PODN: variants seen among roughly 807,000 people sequenced by gnomAD.
The protein encoded by PODN is podocan proteoglycan.
Under a neutral mutation model 52.7 loss-of-function variants are expected in PODN, and 40 were observed. The ratio of observed to expected loss-of-function variants is 0.76; its 90% CI spans 0.59 to 0.99. The LOEUF (loss-of-function observed/expected upper bound fraction) is 0.99. Among genes scored for constraint, PODN ranks in the 50% least tolerant of loss-of-function variants. The pLI is 0.00. For synonymous variants in PODN, 396 were observed against 377.9 expected, an observed-to-expected ratio of 1.05 and a Z score of -0.56; for missense variants, 720 against 815.1, an observed-to-expected ratio of 0.88 and a Z score of 1.42.
chr1:53,074,152 C>T (rs776929702), intron 3 of PODN, among the ~76,000 whole-genome samples: 7 of 152,244 alleles, frequency 4.6e-5, no homozygotes, highest in Non-Finnish European at 1.0e-4. Context: ...CGAGTCCTGA[C>T]ACATCTGCCA....
In PODN at chr1:53,075,882, C is replaced by T; in HGVS notation, c.492C>T (p.Phe164=). 6.2e-7 allele frequency: 1 copy of T among 1,603,460 alleles called. No individual in the cohort carries two copies. The highest frequency in any genetic ancestry group is 1.1e-5 in the South Asian group (1 of 89,136). ...CCCAGCTGACCTTGGCACCCCGCTT[C>T]CTGCCAAACGCCCTGATCAGTGTGG... ...ANNKLTLAPR[F]LPNALISVDF... The change falls in exon 5 of 11, where the codon TTC becomes TTT. Residue 164 remains phenylalanine (F), a synonymous_variant. Coordinates refer to ENST00000312553, the MANE Select transcript of PODN (RefSeq NM_153703.5).
chr1:53,062,937 G>T (rs893656379), intron 1 of PODN, among the ~76,000 whole-genome samples: 1 of 152,252 alleles, frequency 6.6e-6, no homozygotes, highest in Non-Finnish European at 1.5e-5. Flanking sequence ...GCGGTCTGGA[G>T]TCCGTCTATC....
intron 5 of PODN, 69 bp downstream of exon 5, chr1:53,076,040 C>T: frequency 2.3e-6 from 3 of 1,300,608 alleles, no homozygotes; most frequent in Non-Finnish European, 2.2e-6. Flanking sequence ...GGCTGCCATC[C>T]TGTGTGAGGC....
At chr1:53,080,637 T>A (rs1644281278) in intron 8 of PODN, 91 bp from the exon 9 acceptor site, 3 of 1,397,522 alleles carry the variant, frequency 2.1e-6, no homozygotes, top group Non-Finnish European at 2.9e-6. Flanking sequence ...ATTGTTAGAT[T>A]TAGATAGGCT....
intron 1 of PODN, among the ~76,000 whole-genome samples, chr1:53,062,856 G>C (rs1383598): frequency 0.3 from 45,631 of 152,248 alleles, 10,949 homozygotes; most frequent in African/African-American, 0.66. Flanking sequence ...CCCCTCCGGG[G>C]CTCGGCTTCC....
intron 3 of PODN, among the ~76,000 whole-genome samples, chr1:53,072,000 C>A (rs1471334364): frequency 6.6e-6 from 1 of 151,500 alleles, no homozygotes. Flanking sequence ...CTGGCCAAAC[C>A]AGCATATGCT....
chr1:53,080,885 C>T lies in PODN; in HGVS notation c.1661+9C>T, dbSNP rs1228968307. 1 of 1,613,554 alleles carries T rather than the reference C, an allele frequency of 6.2e-7. No individual in the cohort carries two copies. Among genetic ancestry groups the T allele is most frequent in the Non-Finnish European group, 8.5e-7 (1 of 1,179,936 alleles). On this transcript the variant is annotated intron_variant, in intron 9 of 10. Coordinates refer to ENST00000312553, the MANE Select transcript of PODN (RefSeq NM_153703.5). ...AAGGGGATCTTTCTCAGGTAGGAGC[C>T]CACTCGCGGCCCTGTACACACCCCC... is the stretch of plus-strand genomic sequence containing the variant.
intron 1 of PODN, among the ~76,000 whole-genome samples, chr1:53,065,402 GGT>G (rs1644017457): frequency 6.6e-6 from 1 of 152,078 alleles, no homozygotes; most frequent in South Asian, 2.1e-4. Flanking sequence ...ATGGGTCAGT[GGT>G]ATGGCCAAGG....
Position 53,075,914 on chromosome 1 carries a change from C to T in PODN, c.524C>T (p.Ala175Val). 1 of 1,606,740 alleles carries T rather than the reference C, an allele frequency of 6.2e-7. No individual in the cohort carries two copies. Among genetic ancestry groups the T allele is most frequent in the South Asian group, 1.1e-5 (1 of 89,580 alleles). ...LPNALISVDFAANYLTKIYGL... is the reference protein window; with the variant it reads ...LPNALISVDFVANYLTKIYGL... ...AACGCCCTGATCAGTGTGGACTTTG[C>T]TGCCAACTATCTCACCAAGATCTAT... is the stretch of plus-strand genomic sequence containing the variant. The change falls in exon 5 of 11, where the codon GCT becomes GTT. Residue 175 changes from alanine (A) to valine (V), a missense_variant. Coordinates refer to ENST00000312553, the MANE Select transcript of PODN (RefSeq NM_153703.5).
At chr1:53,072,764 C>T (rs1557651437) in intron 3 of PODN, among the ~76,000 whole-genome samples, 1 of 152,186 alleles carries the variant, frequency 6.6e-6, no homozygotes, top group Non-Finnish European at 1.5e-5. Flanking sequence ...TGACATGTTT[C>T]AAGATGTCTA....
rs1412155753 is a variant in PODN, at chr1:53,062,257, TG to T, written c.-102del. On this transcript the variant is annotated 5_prime_UTR_variant, in exon 1 of 11. Coordinates refer to ENST00000312553, the MANE Select transcript of PODN (RefSeq NM_153703.5). ...CGAGCCCGCGGAGCGCAGCTGAGAC[TG>T]GGGGAGCGCGTTCGGCCTGTGGGGC... is the stretch of plus-strand genomic sequence containing the variant. 2 of 1,273,878 alleles carry T rather than the reference TG, an allele frequency of 1.6e-6. No individual in the cohort carries two copies. Among genetic ancestry groups the T allele is most frequent in the South Asian group, 3.8e-5 (1 of 26,192 alleles). 78.9% of individuals were successfully genotyped at this position (1,273,878 alleles called of 1,614,324 possible).
chr1:53,071,347 GC>G (rs1644113972), intron 2 of PODN, 187 bp from the exon 3 acceptor site: 2 of 589,614 alleles, frequency 3.4e-6, no homozygotes, highest in East Asian at 2.9e-5. Context: ...TCACTGCTGT[GC>G]CCCAGAGCCC....
chr1:53,075,299 C>A (rs1218476989), intron 4 of PODN, among the ~76,000 whole-genome samples: 2 of 152,204 alleles, frequency 1.3e-5, no homozygotes, highest in African/African-American at 2.4e-5. Flanking sequence ...TTCCCGCCCA[C>A]AGCACCCAGA....
In PODN at chr1:53,075,942, G is replaced by A. The variant is rs1644187888; in HGVS notation, c.552G>A (p.Gly184=). 6.2e-7 allele frequency: 1 copy of A among 1,600,686 alleles called. No individual in the cohort carries two copies. Among genetic ancestry groups the A allele is most frequent in the Admixed American group, 1.7e-5 (1 of 58,858 alleles). ...CCAACTATCTCACCAAGATCTATGG[G>A]CTCACCTTTGGCCAGAAGCCAAACT... ...FAANYLTKIY[G]LTFGQKPNLR... Residue 184 remains glycine, a synonymous_variant, in exon 5 of 11, where the codon GGG becomes GGA. Transcript: ENST00000312553.
intron 1 of PODN, among the ~76,000 whole-genome samples, chr1:53,062,539 A>G (rs1643973153): frequency 6.6e-6 from 1 of 152,172 alleles, no homozygotes; most frequent in Non-Finnish European, 1.5e-5. Context: ...CTCTCTGAGC[A>G]GAGGCTGGTC....
chr1:53,070,208 A>G, intron 2 of PODN, 41 bp downstream of exon 2: 1 of 1,594,430 alleles, frequency 6.3e-7, no homozygotes, highest in Non-Finnish European at 8.5e-7. Context: ...GGGCTGTCCC[A>G]CACACCCTTG....
rs116837792 is a variant in PODN, at chr1:53,071,653, G to T, written c.406+25G>T. On this transcript the variant is annotated intron_variant, in intron 3 of 10. Transcript: ENST00000312553. ...GGTGAGGGGCCACCCAGAGCCCAGG[G>T]TCAGGGACACCAAGTGGGGCCTTGG... is the stretch of plus-strand genomic sequence containing the variant. 4.2e-3 allele frequency: 6,698 copies of T among 1,596,790 alleles called. 141 individuals carry two copies. The African/African-American group carries it at 0.058, about 14-fold the overall frequency.
intron 8 of PODN, among the ~76,000 whole-genome samples, chr1:53,080,436 A>C (rs1644278157): frequency 6.6e-6 from 1 of 152,212 alleles, no homozygotes; most frequent in Non-Finnish European, 1.5e-5. Context: ...CTGTGGGTTT[A>C]TGTGGGAAGG....
At chr1:53,063,663 T>A in intron 1 of PODN, 1 of 796,584 alleles carries the variant, frequency 1.3e-6, no homozygotes. Context: ...CAAGACCCAG[T>A]CTACTCTAGC....
Sources: gnomAD v4.1 joint callset for allele counts (sites outside exome capture counted in the v4.1 genomes callset) on GRCh38, gnomAD v4.1.1 for gene constraint, MANE v1.5 for transcripts, NCBI Gene and HGNC (gene_info 2026-07-23, HGNC 2026-07-21) for gene names.